Variants in DLGAP2 observed in about 807,000 individuals in gnomAD.
DLGAP2 encodes disks large-associated protein 2.
A neutral mutation model predicts 100.3 loss-of-function variants in DLGAP2; 26 were observed. The observed-to-expected ratio is 0.26, with a 90% CI of 0.19 to 0.36. The LOEUF (loss-of-function observed/expected upper bound fraction) is 0.36, where lower values mean the gene tolerates loss of function less well. Among genes scored for constraint, DLGAP2 ranks in the 10% least tolerant of loss-of-function variants. The pLI, the probability that DLGAP2 is intolerant of heterozygous loss-of-function variation, is 1.00. For synonymous variants in DLGAP2, 886 were observed against 630.1 expected, an observed-to-expected ratio of 1.41 and a Z score of -6.08; for missense variants, 1,858 against 1,453.2, an observed-to-expected ratio of 1.28 and a Z score of -4.53.
At chr8:880,047 G>T (rs1409029731) in intron 1 of DLGAP2, among the ~76,000 whole-genome samples, 2 of 152,132 alleles carry the variant, frequency 1.3e-5, no homozygotes, top group Admixed American at 6.5e-5. Flanking sequence ...AGGAAATTCT[G>T]TCCTGGCCTT....
chr8:1,260,128 A>T (rs1385788251), intron 3 of DLGAP2, among the ~76,000 whole-genome samples: 2 of 152,128 alleles, frequency 1.3e-5, no homozygotes, highest in Non-Finnish European at 2.9e-5. Context: ...CTGTGATGGG[A>T]AAGCCACAGG....
chr8:1,290,219 G>T (rs1020449166), intron 3 of DLGAP2, among the ~76,000 whole-genome samples: 3 of 152,214 alleles, frequency 2.0e-5, no homozygotes, highest in African/African-American at 7.2e-5. Context: ...TGAAGACAGG[G>T]AGTTAGCAAA....
At chr8:1,234,406 C>G (rs551021276) in intron 2 of DLGAP2, among the ~76,000 whole-genome samples, 2 of 152,302 alleles carry the variant, frequency 1.3e-5, no homozygotes, top group East Asian at 3.9e-4. Flanking sequence ...CACCCCGATC[C>G]TCACATGACA....
At chr8:1,565,568 G>T (rs1802363366) in intron 5 of DLGAP2, 115 bp from the exon 6 acceptor site, 3 of 749,142 alleles carry the variant, frequency 4.0e-6, no homozygotes, top group South Asian at 4.0e-5. Flanking sequence ...ACTGATAAAT[G>T]ACTGTAAAGA....
chr8:1,699,769 G>C (rs181902239), intron 14 of DLGAP2, among the ~76,000 whole-genome samples: 1 of 152,174 alleles, frequency 6.6e-6, no homozygotes, highest in Non-Finnish European at 1.5e-5. Flanking sequence ...CCCTGGGATG[G>C]GCCCTGCACA....
chr8:817,266 C>A (rs1563047394), intron 1 of DLGAP2, among the ~76,000 whole-genome samples: 1 of 152,124 alleles, frequency 6.6e-6, no homozygotes, highest in African/African-American at 2.4e-5. Context: ...CTGAGACTTT[C>A]CAGTGCATTT....
chr8:1,008,392 T>C (rs1801182360), intron 2 of DLGAP2, among the ~76,000 whole-genome samples: 2 of 152,236 alleles, frequency 1.3e-5, no homozygotes, highest in Non-Finnish European at 2.9e-5. Context: ...ATTTTGCAGA[T>C]ATGGTTTTAA....
chr8:1,662,343 C>G (rs1798426999), intron 8 of DLGAP2, among the ~76,000 whole-genome samples: 1 of 152,166 alleles, frequency 6.6e-6, no homozygotes, highest in Non-Finnish European at 1.5e-5. Flanking sequence ...TTTAAAATAT[C>G]TTCTGCCACC....
intron 2 of DLGAP2, among the ~76,000 whole-genome samples, chr8:1,068,410 C>T (rs932960208): frequency 2.0e-5 from 3 of 152,188 alleles, no homozygotes; most frequent in Non-Finnish European, 4.4e-5. Context: ...GTTGTTCACC[C>T]CCCACAGTGG....
At chr8:1,160,310 T>C (rs2129052577) in intron 2 of DLGAP2, among the ~76,000 whole-genome samples, 1 of 152,298 alleles carries the variant, frequency 6.6e-6, no homozygotes, top group Non-Finnish European at 1.5e-5. Flanking sequence ...GTCCCGTGCC[T>C]GGTTAGCAGG....
intron 2 of DLGAP2, among the ~76,000 whole-genome samples, chr8:1,157,743 C>T (rs1425251476): frequency 6.6e-6 from 1 of 152,212 alleles, no homozygotes; most frequent in African/African-American, 2.4e-5. Context: ...CGTCAGCCAC[C>T]CACCTATGCG....
At chr8:1,200,091 G>A (rs1166731548) in intron 2 of DLGAP2, among the ~76,000 whole-genome samples, 1 of 152,212 alleles carries the variant, frequency 6.6e-6, no homozygotes, top group Non-Finnish European at 1.5e-5. Flanking sequence ...TGGGATGGAT[G>A]TAGGCTGAAG....
intron 2 of DLGAP2, among the ~76,000 whole-genome samples, chr8:954,977 A>C (rs1449911161): frequency 6.6e-6 from 1 of 152,190 alleles, no homozygotes; most frequent in Non-Finnish European, 1.5e-5. Flanking sequence ...GAAGAGAACG[A>C]GGATTTTTAA....
chr8:803,247 G>C (rs1033656767), intron 1 of DLGAP2, among the ~76,000 whole-genome samples: 3 of 152,138 alleles, frequency 2.0e-5, no homozygotes, highest in African/African-American at 7.2e-5. Context: ...CTCCAGTGTG[G>C]AATTGCTTCC....
intron 6 of DLGAP2, among the ~76,000 whole-genome samples, chr8:1,573,948 G>GT (rs1210559388): frequency 6.6e-6 from 1 of 152,162 alleles, no homozygotes; most frequent in Non-Finnish European, 1.5e-5. Context: ...TAACTTACAA[G>GT]TGTAAAGTGA....
intron 1 of DLGAP2, among the ~76,000 whole-genome samples, chr8:864,653 C>G (rs1316751425): frequency 6.6e-6 from 1 of 152,116 alleles, no homozygotes. Flanking sequence ...GCATAGGATT[C>G]AAGGATGACA....
chr8:1,351,372 G>A (rs1167135043), intron 3 of DLGAP2, among the ~76,000 whole-genome samples: 1 of 52,678 alleles, frequency 1.9e-5, no homozygotes, highest in Non-Finnish European at 4.0e-5. Flanking sequence ...GACTGTGTGT[G>A]GAAAGGCCGT....
intron 3 of DLGAP2, among the ~76,000 whole-genome samples, chr8:1,496,784 G>A (rs116149745): frequency 0.018 from 2,738 of 152,196 alleles, 90 homozygotes; most frequent in African/African-American, 0.063. Context: ...GGCGGCACCC[G>A]AGGCACCGCA....
chr8:1,322,499 C>G (rs933820895), intron 3 of DLGAP2, among the ~76,000 whole-genome samples: 47 of 151,716 alleles, frequency 3.1e-4, no homozygotes, highest in African/African-American at 1.1e-3. Context: ...GCTTCTGTGA[C>G]TTCACACGTG....
Sources: gnomAD v4.1 joint callset for allele counts (sites outside exome capture counted in the v4.1 genomes callset) on GRCh38, gnomAD v4.1.1 for gene constraint, MANE v1.5 for transcripts, NCBI Gene and HGNC (gene_info 2026-07-23, HGNC 2026-07-21) for gene names.